The following ZNF84 variants were observed in gnomAD, a reference collection of about 807,000 sequenced individuals.
ZNF84 encodes zinc finger protein 84.
Under a neutral mutation model 14.8 loss-of-function variants are expected in ZNF84, and 12 were observed. The ratio of observed to expected loss-of-function variants is 0.81; its 90% CI spans 0.52 to 1.31. The LOEUF is 1.31. Ranked by LOEUF, ZNF84 falls within the 50% of genes most tolerant of loss-of-function variation. The pLI is 0.00. For missense variants in ZNF84, 859 were observed against 878.6 expected, an observed-to-expected ratio of 0.98 and a Z score of 0.28; for synonymous variants, 347 against 291.1, an observed-to-expected ratio of 1.19 and a Z score of -1.96.
intron 2 of ZNF84, among the ~76,000 whole-genome samples, chr12:133,043,495 G>C (rs1953922005): frequency 6.6e-6 from 1 of 151,946 alleles, no homozygotes; most frequent in Admixed American, 6.6e-5. Flanking sequence ...TCATTGCATA[G>C]ATGGATTATT....
At position 133,042,464 on chromosome 12, in the gene ZNF84, T is replaced by C. The variant is rs1593695850; in HGVS notation, c.15+982T>C. Among the ~76,000 whole-genome samples the C allele has an allele frequency of 2.0e-5, 3 of 152,348 alleles. No homozygotes were observed. The East Asian group carries it at 5.8e-4, about 29-fold the overall frequency. On this transcript the variant is annotated intron_variant, in intron 2 of 4. Coordinates refer to ENST00000539354, the MANE Select transcript of ZNF84 (RefSeq NM_001289971.2). ...CACTATGTTGTCATAATTGTTCTAT[T>C]TTATTATTGTTGTTTATTTTTTACT...
chr12:133,037,616 T>TGGCC (rs1953804761), intron 1 of ZNF84, 71 bp downstream of exon 1: 1 of 134,726 alleles, frequency 7.4e-6, no homozygotes. Flanking sequence ...CGCGCGGGAG[T>TGGCC]GGCCGCGGGG....
Position 133,059,051 on chromosome 12 carries a change from CTAAA to C in ZNF84, c.*121_*124del. ...TTTGTACTCCATGAGGATGAGAACT[CTAAA>C]TGAGGTGGTGTATGGAAAGCCGATC... On this transcript the variant is annotated 3_prime_UTR_variant, in exon 5 of 5. Coordinates refer to ENST00000539354, the MANE Select transcript of ZNF84 (RefSeq NM_001289971.2). 13 of 978,198 alleles carry C rather than the reference CTAAA, an allele frequency of 1.3e-5. No homozygotes were observed. Among genetic ancestry groups the C allele is most frequent in the South Asian group, 1.6e-5 (1 of 60,718 alleles). 60.6% of individuals were successfully genotyped at this position (978,198 alleles called of 1,614,324 possible). A position where few individuals can be genotyped will look rare whatever the true frequency, so the allele number is the denominator to read the frequency against.
intron 2 of ZNF84, among the ~76,000 whole-genome samples, chr12:133,041,929 T>C (rs900342541): frequency 1.3e-5 from 2 of 152,254 alleles, no homozygotes; most frequent in Admixed American, 1.3e-4. Context: ...TTTTGCTTTT[T>C]GCAGTTTCAA....
chr12:133,057,423 C>T lies in ZNF84; in HGVS notation c.708C>T (p.Gly236=). The T allele has an allele frequency of 6.2e-7, 1 of 1,614,172 alleles. No individual in the cohort carries two copies. The highest frequency in any genetic ancestry group is 8.5e-7 in the Non-Finnish European group (1 of 1,180,030). Reference sequence around the variant, plus strand: ...GACATATAAGAGACATAGCCTTTGGCTGTGGTAATTGTGGCAAAACCTTTC... The same window carrying T: ...GACATATAAGAGACATAGCCTTTGGTTGTGGTAATTGTGGCAAAACCTTTC... ...QSRHIRDIAF[G]CGNCGKTFPQ... Residue 236 remains glycine (G), a synonymous_variant, in exon 5 of 5, where the codon GGC becomes GGT. Transcript: ENST00000539354.
rs1954012632 is a variant in ZNF84, at chr12:133,048,041, G to A, written c.102G>A (p.Lys34=). ...LLDPSQKNLY[K]DVMLENYSSL... is the part of the protein sequence containing the mutation. ...ATCCCTCTCAGAAGAATTTATACAA[G>A]GATGTGATGTTGGAGAACTATAGCA... The change falls in exon 3 of 5, where the codon AAG becomes AAA. Residue 34 remains lysine, a synonymous_variant. Transcript: ENST00000539354. The A allele has an allele frequency of 6.2e-6, 10 of 1,613,940 alleles. 1 individual carries two copies. Among genetic ancestry groups the A allele is most frequent in the Non-Finnish European group, 8.5e-6 (10 of 1,179,960 alleles).
At position 133,057,404 on chromosome 12, in the gene ZNF84, T is replaced by G. The variant is rs1954178731; in HGVS notation, c.689T>G (p.Ile230Arg). The G allele has an allele frequency of 1.2e-6, 2 of 1,614,136 alleles. No homozygotes were observed. The highest frequency in any genetic ancestry group is 2.2e-5 in the East Asian group (1 of 44,880). ...PSLIKHQSRH[I>R]RDIAFGCGNC... ...CTCATTAAACATCAGAGCAGACATA[T>G]AAGAGACATAGCCTTTGGCTGTGGT... The change falls in exon 5 of 5, where the codon ATA (isoleucine) becomes AGA (arginine). Residue 230 changes from isoleucine to arginine, a missense_variant. Physicochemically the swap from Ile to Arg is moderately conservative, Grantham distance 97. Transcript: ENST00000539354.
In ZNF84 at chr12:133,057,006, G is replaced by A. The variant is rs1050332519; in HGVS notation, c.291G>A (p.Lys97=). ...TGTGGCACCAGGATAACCAAGACAA[G>A]CTTAAAATTATAAAAAGAGGTCATG... is the stretch of plus-strand genomic sequence containing the variant. ...NMMWHQDNQD[K]LKIIKRGHEC... The change falls in exon 5 of 5, where the codon AAG becomes AAA. Residue 97 remains lysine (K), a synonymous_variant. Coordinates refer to ENST00000539354, the MANE Select transcript of ZNF84 (RefSeq NM_001289971.2). 12 of 1,606,222 alleles carry A rather than the reference G, an allele frequency of 7.5e-6. No individual in the cohort carries two copies. Among genetic ancestry groups the A allele is most frequent in the African/African-American group, 6.7e-5 (5 of 74,370 alleles).
chr12:133,040,257 C>T (rs56152436), intron 1 of ZNF84, among the ~76,000 whole-genome samples: 2 of 151,660 alleles, frequency 1.3e-5, no homozygotes, highest in African/African-American at 2.4e-5. Context: ...TAACATACCA[C>T]GTAAATACCA....
Position 133,057,187 on chromosome 12 carries a change from T to C in ZNF84, c.472T>C (p.Phe158Leu), listed in dbSNP as rs201131842. The part of the protein sequence containing the change: ...GDYGKAESDD[F>L]NVFDNFFLHS... ...TTATGGAAAAGCAGAATCAGATGAC[T>C]TTAATGTGTTTGATAATTTTTTTCT... Residue 158 changes from phenylalanine to leucine, a missense_variant, in exon 5 of 5, where the codon TTT becomes CTT. Physicochemically the swap from Phe to Leu is conservative, Grantham distance 22. Transcript: ENST00000539354. 4 of 1,612,750 alleles carry C rather than the reference T, an allele frequency of 2.5e-6. No individual in the cohort carries two copies. The highest frequency in any genetic ancestry group is 3.4e-6 in the Non-Finnish European group (4 of 1,179,720).
intron 4 of ZNF84, among the ~76,000 whole-genome samples, chr12:133,053,218 C>G (rs369906096): frequency 0.03 from 4,564 of 151,742 alleles, 245 homozygotes; most frequent in African/African-American, 0.11. Flanking sequence ...GGATACACCA[C>G]AAATGACCAA....
At position 133,056,934 on chromosome 12, in the gene ZNF84, T is replaced by A; in HGVS notation, c.239-20T>A. 2.6e-6 allele frequency: 4 copies of A among 1,538,034 alleles called. No individual in the cohort carries two copies. In the South Asian group the frequency reaches 3.9e-5, roughly 15 times the overall value. On this transcript the variant is annotated intron_variant, in intron 4 of 4. Transcript: ENST00000539354. ...TTTTAGAAAGCACAACCAAACAGAT[T>A]GTTTTTGTTTCCTTTATAGAAGTCT... is the stretch of plus-strand genomic sequence containing the variant.
intron 4 of ZNF84, among the ~76,000 whole-genome samples, chr12:133,054,022 CT>C (rs1300980736): frequency 6.6e-6 from 1 of 152,184 alleles, no homozygotes; most frequent in Non-Finnish European, 1.5e-5. Flanking sequence ...TTTCTTACCT[CT>C]AGGTACAACC....
chr12:133,039,486 A>C (rs2137316524), intron 1 of ZNF84, among the ~76,000 whole-genome samples: 2 of 152,314 alleles, frequency 1.3e-5, no homozygotes, highest in Non-Finnish European at 2.9e-5. Context: ...CTACTTACTA[A>C]ATGTGCAATC....
chr12:133,057,134 A>G lies in ZNF84; in HGVS notation c.419A>G (p.His140Arg). 6.2e-7 allele frequency: 1 copy of G among 1,612,300 alleles called. No homozygotes were observed. The highest frequency in any genetic ancestry group is 8.5e-7 in the Non-Finnish European group (1 of 1,179,588). ...TTAGATGGATTGATTTTAAAACATC[A>G]TTTAGATTTGCTTATTCCAAAAGGA... ...GDLDGLILKH[H>R]LDLLIPKGDY... The change falls in exon 5 of 5, where the codon CAT becomes CGT. Residue 140 changes from histidine to arginine, a missense_variant. His to Arg is a conservative substitution (Grantham distance 29, BLOSUM62 0). Transcript: ENST00000539354.
intron 2 of ZNF84, among the ~76,000 whole-genome samples, chr12:133,043,449 G>A (rs1186408814): frequency 2.6e-5 from 4 of 152,210 alleles, no homozygotes; most frequent in Admixed American, 2.6e-4. Context: ...ACTTACAGGT[G>A]TGAGCCACTA....
chr12:133,053,687 G>A (rs1174991439), intron 4 of ZNF84, among the ~76,000 whole-genome samples: 3 of 152,150 alleles, frequency 2.0e-5, no homozygotes. Flanking sequence ...AGGCTGCAGT[G>A]AGCTATAATT....
intron 2 of ZNF84, among the ~76,000 whole-genome samples, chr12:133,045,286 C>A (rs1228075566): frequency 2.0e-5 from 3 of 152,156 alleles, no homozygotes; most frequent in African/African-American, 7.2e-5. Flanking sequence ...GCCTGGCCAA[C>A]ATGGTGAAAC....
chr12:133,061,137 C>T lies in ZNF84; in HGVS notation c.*2205C>T, dbSNP rs1954256763. 1 of 152,142 alleles carries T rather than the reference C, an allele frequency of 6.6e-6. No homozygotes were observed. Among genetic ancestry groups the T allele is most frequent in the Non-Finnish European group, 1.5e-5 (1 of 68,014 alleles). 9.4% of individuals were successfully genotyped at this position (152,142 alleles called of 1,614,324 possible). ...GTCTTTCCATGCTGTAATTTTAAAG[C>T]ATTTAATTTTCCAACTTTTTGTTCA... On this transcript the variant is annotated 3_prime_UTR_variant, in exon 5 of 5. Transcript: ENST00000539354.
Sources: gnomAD v4.1 joint callset for allele counts (sites outside exome capture counted in the v4.1 genomes callset) on GRCh38, gnomAD v4.1.1 for gene constraint, MANE v1.5 for transcripts, NCBI Gene and HGNC (gene_info 2026-07-23, HGNC 2026-07-21) for gene names.